Variants in CERS6 observed in about 807,000 individuals in gnomAD.
CERS6 encodes ceramide synthase 6.
In CERS6, 26 loss-of-function variants were observed where a neutral mutation model predicts 56.8. The ratio of observed to expected loss-of-function variants is 0.46; its 90% CI spans 0.34 to 0.63. CERS6 has a LOEUF of 0.63. CERS6 is among the 30% of genes least tolerant of loss of function. CERS6 has a pLI of 0.01. For synonymous variants in CERS6, 164 were observed against 173.3 expected (o/e 0.95, Z 0.42); for missense variants, 415 against 467.5 (o/e 0.89, Z 1.04).
At chr2:168,759,844 G>A (rs1211116745) in intron 8 of CERS6, among the ~76,000 whole-genome samples, 1 of 150,932 alleles carries the variant, frequency 6.6e-6, no homozygotes, top group African/African-American at 2.4e-5. Flanking sequence ...AGCATCTAAG[G>A]AGAACCCTGA....
At chr2:168,648,610 A>T (rs1010410828) in intron 4 of CERS6, among the ~76,000 whole-genome samples, 5 of 151,902 alleles carry the variant, frequency 3.3e-5, no homozygotes, top group African/African-American at 9.7e-5. Flanking sequence ...TTCAGTTATG[A>T]TGTTAGGTTG....
At chr2:168,642,970 GT>G (rs761188337) in intron 4 of CERS6, among the ~76,000 whole-genome samples, 25 of 152,186 alleles carry the variant, frequency 1.6e-4, no homozygotes, top group Admixed American at 1.3e-4. Context: ...TCATAACACA[GT>G]TTCTTAATAG....
intron 8 of CERS6, among the ~76,000 whole-genome samples, chr2:168,753,943 C>G (rs1419292199): frequency 6.6e-6 from 1 of 152,170 alleles, no homozygotes; most frequent in African/African-American, 2.4e-5. Context: ...CCATGCCCAA[C>G]TGCTCCCATC....
intron 1 of CERS6, among the ~76,000 whole-genome samples, chr2:168,479,434 C>T (rs1354365701): frequency 6.6e-6 from 1 of 151,932 alleles, no homozygotes; most frequent in Non-Finnish European, 1.5e-5. Context: ...TCACATATGA[C>T]AAATTTGAAG....
At chr2:168,728,909 G>A (rs1259869053) in intron 8 of CERS6, among the ~76,000 whole-genome samples, 2 of 150,960 alleles carry the variant, frequency 1.3e-5, no homozygotes, top group Non-Finnish European at 2.9e-5. Context: ...TCGGGAGGCT[G>A]AGGCAGGATA....
chr2:168,647,201 C>T (rs955850239), intron 4 of CERS6, among the ~76,000 whole-genome samples: 1 of 152,102 alleles, frequency 6.6e-6, no homozygotes, highest in African/African-American at 2.4e-5. Flanking sequence ...TCACTGATTT[C>T]TTTGAGCAAT....
intron 1 of CERS6, among the ~76,000 whole-genome samples, chr2:168,470,437 C>T (rs868686943): frequency 3.3e-5 from 5 of 152,104 alleles, no homozygotes; most frequent in African/African-American, 4.8e-5. Context: ...CCTGCCCCCA[C>T]TGTCCCTGTG....
At chr2:168,502,943 G>A (rs13393637) in intron 1 of CERS6, among the ~76,000 whole-genome samples, 1,981 of 152,246 alleles carry the variant, frequency 0.013, 30 homozygotes, top group African/African-American at 0.046. Context: ...TGAGAGAAGG[G>A]TGTCTTATAT....
intron 3 of CERS6, among the ~76,000 whole-genome samples, chr2:168,599,632 G>C (rs781325583): frequency 6.6e-6 from 1 of 152,158 alleles, no homozygotes; most frequent in African/African-American, 2.4e-5. Context: ...GAGATCATTT[G>C]TTGACATTCA....
chr2:168,766,702 T>C (rs1247515221), intron 9 of CERS6, among the ~76,000 whole-genome samples: 1 of 152,130 alleles, frequency 6.6e-6, no homozygotes, highest in Non-Finnish European at 1.5e-5. Context: ...GAAACAGAAC[T>C]AGTTGGAGGG....
At chr2:168,458,909 C>T (rs1414242420) in intron 1 of CERS6, among the ~76,000 whole-genome samples, 1 of 152,172 alleles carries the variant, frequency 6.6e-6, no homozygotes, top group Non-Finnish European at 1.5e-5. Flanking sequence ...ATTCTGGGAT[C>T]CAACCTGTGA....
intron 2 of CERS6, among the ~76,000 whole-genome samples, chr2:168,555,247 T>G (rs1227394468): frequency 6.6e-6 from 1 of 152,004 alleles, no homozygotes; most frequent in East Asian, 1.9e-4. Context: ...AAACAAAACC[T>G]CTTCCTCCTG....
intron 3 of CERS6, among the ~76,000 whole-genome samples, chr2:168,580,527 T>G (rs1339044155): frequency 6.6e-6 from 1 of 152,222 alleles, no homozygotes; most frequent in Non-Finnish European, 1.5e-5. Context: ...CCTTTTATTC[T>G]GTATTTTTAA....
At chr2:168,469,673 G>T (rs1693942670) in intron 1 of CERS6, among the ~76,000 whole-genome samples, 1 of 152,118 alleles carries the variant, frequency 6.6e-6, no homozygotes, top group African/African-American at 2.4e-5. Context: ...TTGGTTAAAA[G>T]TTAGTCTTTT....
At chr2:168,520,948 A>G (rs781498527) in intron 1 of CERS6, among the ~76,000 whole-genome samples, 3 of 152,098 alleles carry the variant, frequency 2.0e-5, no homozygotes, top group Non-Finnish European at 4.4e-5. Context: ...AATTTTGGAA[A>G]GACTTCTATA....
At chr2:168,458,583 C>T (rs1693719914) in intron 1 of CERS6, among the ~76,000 whole-genome samples, 1 of 152,182 alleles carries the variant, frequency 6.6e-6, no homozygotes, top group Non-Finnish European at 1.5e-5. Context: ...TTTCAATTGT[C>T]AGTCACAGCA....
At chr2:168,472,568 C>T (rs1317514854) in intron 1 of CERS6, among the ~76,000 whole-genome samples, 1 of 151,734 alleles carries the variant, frequency 6.6e-6, no homozygotes, top group East Asian at 1.9e-4. Flanking sequence ...ATTTGGCCAT[C>T]GAATTTAATA....
intron 3 of CERS6, among the ~76,000 whole-genome samples, chr2:168,628,695 T>G (rs923133949): frequency 5.9e-5 from 9 of 152,222 alleles, no homozygotes; most frequent in Non-Finnish European, 8.8e-5. Context: ...GATACAGATT[T>G]TGCATTTCTA....
chr2:168,732,760 C>A (rs1574201700), intron 8 of CERS6, among the ~76,000 whole-genome samples: 1 of 152,136 alleles, frequency 6.6e-6, no homozygotes, highest in South Asian at 2.1e-4. Flanking sequence ...AACTTGCTCT[C>A]TATCCATCCT....
Sources: gnomAD v4.1 joint callset for allele counts (sites outside exome capture counted in the v4.1 genomes callset) on GRCh38, gnomAD v4.1.1 for gene constraint, MANE v1.5 for transcripts, NCBI Gene and HGNC (gene_info 2026-07-23, HGNC 2026-07-21) for gene names.